AUTS2: variants seen among roughly 807,000 people sequenced by gnomAD.
The protein encoded by AUTS2 is activator of transcription and developmental regulator AUTS2, also known as autism susceptibility gene 2 protein.
A neutral mutation model predicts 112.4 loss-of-function variants in AUTS2; 17 were observed. The observed-to-expected ratio is 0.15, with a 90% CI of 0.10 to 0.23. The LOEUF is 0.23. AUTS2 is among the 10% of genes least tolerant of loss of function. AUTS2 has a pLI of 1.00. For missense variants in AUTS2, 1,510 were observed against 1,701.6 expected, an observed-to-expected ratio of 0.89 and a Z score of 1.98; for synonymous variants, 751 against 702.7, an observed-to-expected ratio of 1.07 and a Z score of -1.09.
intron 5 of AUTS2, among the ~76,000 whole-genome samples, chr7:70,476,146 A>G (rs1422467657): frequency 1.3e-5 from 2 of 152,174 alleles, no homozygotes; most frequent in Non-Finnish European, 2.9e-5. Context: ...TATCTTGGGT[A>G]TATACACTGT....
intron 2 of AUTS2, among the ~76,000 whole-genome samples, chr7:70,029,667 C>G (rs1225807379): frequency 1.3e-5 from 2 of 151,952 alleles, no homozygotes; most frequent in African/African-American, 2.4e-5. Context: ...TACTGCTACT[C>G]AAGTATAGTA....
At chr7:70,154,627 G>T (rs752931226) in intron 4 of AUTS2, among the ~76,000 whole-genome samples, 1 of 152,058 alleles carries the variant, frequency 6.6e-6, no homozygotes, top group Non-Finnish European at 1.5e-5. Context: ...TCAGTTTCTG[G>T]TCTACCTCCT....
intron 2 of AUTS2, among the ~76,000 whole-genome samples, chr7:70,067,802 C>T (rs192294062): frequency 4.0e-5 from 6 of 151,544 alleles, no homozygotes; most frequent in South Asian, 2.1e-4. Flanking sequence ...AAAGTGAGCC[C>T]GTGATCACAC....
intron 6 of AUTS2, among the ~76,000 whole-genome samples, chr7:70,745,320 T>A (rs1246830042): frequency 2.0e-5 from 3 of 152,218 alleles, no homozygotes; most frequent in African/African-American, 7.2e-5. Flanking sequence ...TTTTTAGCAG[T>A]TCTCGTTGGC....
chr7:69,998,756 G>A (rs540325572), intron 2 of AUTS2, among the ~76,000 whole-genome samples: 1 of 152,302 alleles, frequency 6.6e-6, no homozygotes. Context: ...ATTTTGGAAG[G>A]TGAGGGATAC....
At chr7:70,609,213 C>T (rs559398344) in intron 5 of AUTS2, among the ~76,000 whole-genome samples, 14 of 152,134 alleles carry the variant, frequency 9.2e-5, no homozygotes, top group Non-Finnish European at 1.3e-4. Context: ...ACCAACACTT[C>T]CCAACCCCTC....
intron 2 of AUTS2, among the ~76,000 whole-genome samples, chr7:69,978,894 A>ACACACACACACACACACACACACG (rs1554418145): frequency 7.3e-6 from 1 of 137,094 alleles, no homozygotes; most frequent in Non-Finnish European, 1.6e-5. Context: ...ACACACACAC[A>ACACACACACACACACACACACACG]CACACACGCA....
intron 4 of AUTS2, among the ~76,000 whole-genome samples, chr7:70,191,008 C>T (rs1163446371): frequency 6.6e-6 from 1 of 152,070 alleles, no homozygotes; most frequent in Non-Finnish European, 1.5e-5. Context: ...AGACAGTCTG[C>T]TGCTTTCAGA....
intron 4 of AUTS2, chr7:70,294,147 T>G (rs1788830349): frequency 6.6e-6 from 1 of 152,224 alleles, no homozygotes; most frequent in South Asian, 2.1e-4. Context: ...TTTGTGTAAT[T>G]GCCTTTTCTT....
At chr7:70,160,503 A>G (rs554960847) in intron 4 of AUTS2, among the ~76,000 whole-genome samples, 80 of 152,332 alleles carry the variant, frequency 5.3e-4, no homozygotes, top group Admixed American at 9.1e-4. Flanking sequence ...AGTTAGTCTC[A>G]TAGATGTCTG....
rs376720212 is a variant in AUTS2, at chr7:70,721,911, A to G, written c.742+23291A>G. Among the ~76,000 whole-genome samples the G allele has an allele frequency of 4.0e-4, 61 of 152,318 alleles. 3 individuals are homozygous for G. In the South Asian group the frequency reaches 9.1e-3, roughly 23 times the overall value. On this transcript the variant is annotated intron_variant, in intron 6 of 18. Transcript: ENST00000342771. ...AGTATTCATCTGCTGCACTTTCTGC[A>G]TAATCTCATACCATTATCATACCTC...
intron 5 of AUTS2, among the ~76,000 whole-genome samples, chr7:70,627,963 G>T (rs111692347): frequency 2.6e-5 from 4 of 152,290 alleles, no homozygotes; most frequent in African/African-American, 7.2e-5. Context: ...CCTGAAAGTT[G>T]CATGGAAGCT....
intron 5 of AUTS2, among the ~76,000 whole-genome samples, chr7:70,628,926 TG>T (rs1052193471): frequency 6.6e-6 from 1 of 151,160 alleles, no homozygotes; most frequent in Admixed American, 6.6e-5. Context: ...TGGCAGACAT[TG>T]GGGGGAAGTG....
intron 2 of AUTS2, among the ~76,000 whole-genome samples, chr7:70,116,350 C>A (rs1805356044): frequency 6.6e-6 from 1 of 152,096 alleles, no homozygotes; most frequent in Non-Finnish European, 1.5e-5. Flanking sequence ...GGAAAGCTGA[C>A]TCTGTGAATG....
intron 2 of AUTS2, among the ~76,000 whole-genome samples, chr7:70,050,784 CA>C (rs1801716212): frequency 6.6e-6 from 1 of 152,124 alleles, no homozygotes; most frequent in Non-Finnish European, 1.5e-5. Flanking sequence ...CACCTGAGGC[CA>C]GGAGTTTGAG....
intron 15 of AUTS2, chr7:70,781,976 A>C: frequency 1.8e-6 from 1 of 567,904 alleles, no homozygotes; most frequent in Non-Finnish European, 3.0e-6. Flanking sequence ...TCTTTCCCTT[A>C]CAGGGATTCA....
intron 4 of AUTS2, among the ~76,000 whole-genome samples, chr7:70,358,459 CATA>C (rs1321036692): frequency 1.3e-5 from 2 of 152,232 alleles, no homozygotes; most frequent in African/African-American, 4.8e-5. Context: ...AAGCTCCACC[CATA>C]CTTTTTGCCC....
intron 5 of AUTS2, among the ~76,000 whole-genome samples, chr7:70,500,270 C>T (rs1585223063): frequency 6.6e-6 from 1 of 152,084 alleles, no homozygotes; most frequent in East Asian, 1.9e-4. Context: ...CCGTCCTGTT[C>T]TTGGAAAAGC....
At chr7:70,423,148 A>T (rs1795294691) in intron 4 of AUTS2, among the ~76,000 whole-genome samples, 1 of 152,164 alleles carries the variant, frequency 6.6e-6, no homozygotes, top group Non-Finnish European at 1.5e-5. Context: ...TGTGTCCTGA[A>T]AGGGTGGTGG....
Sources: allele counts gnomAD v4.1 joint callset (sites outside exome capture counted in the v4.1 genomes callset), GRCh38; gene constraint gnomAD v4.1.1; transcripts MANE v1.5; gene names NCBI Gene and HGNC (gene_info 2026-07-23, HGNC 2026-07-21).